Variants in KRABD1 observed in about 807,000 individuals in gnomAD.
The protein encoded by KRABD1 is KRAB domain-containing protein 1.
At chr3:42,942,030 AG>A in the KRABD1 span, 1 of 1,535,946 alleles carries the variant, frequency 6.5e-7, no homozygotes, top group Non-Finnish European at 8.7e-7. Flanking sequence ...ACCCAGCCAC[AG>A]GGAGTCCTAA....
At chr3:42,941,851 G>T in the KRABD1 span, 1 of 706,020 alleles carries the variant, frequency 1.4e-6, no homozygotes, top group South Asian at 1.6e-5. Context: ...TAGCTCACCC[G>T]GGAATTACTC....
At chr3:42,940,979 T>G in the KRABD1 span, among the ~76,000 whole-genome samples, 5 of 152,186 alleles carry the variant, frequency 3.3e-5, no homozygotes, top group African/African-American at 4.8e-5. Context: ...GGAGGTCACA[T>G]GTTTAGAAGC....
the KRABD1 span, chr3:42,942,516 TTA>T: frequency 1.5e-6 from 1 of 678,374 alleles, no homozygotes; most frequent in East Asian, 3.0e-5. Flanking sequence ...CTTACAGTTG[TTA>T]TGATTTTCCT....
the KRABD1 span, chr3:42,942,083 A>G: frequency 6.7e-7 from 1 of 1,502,704 alleles, no homozygotes; most frequent in South Asian, 1.2e-5. Flanking sequence ...TGAGTTAAGC[A>G]AGAGGGTTCT....
chr3:42,938,876 A>G, the KRABD1 span: 1 of 1,524,822 alleles, frequency 6.6e-7, no homozygotes, highest in East Asian at 2.5e-5. Flanking sequence ...CTTTACCCAG[A>G]AAGGAATAAA....
the KRABD1 span, among the ~76,000 whole-genome samples, chr3:42,939,301 C>T: frequency 4.6e-5 from 7 of 152,280 alleles, no homozygotes; most frequent in African/African-American, 1.2e-4. Context: ...TCTTGAACTT[C>T]GTATAAGTGG....
the KRABD1 span, among the ~76,000 whole-genome samples, chr3:42,939,777 G>A: frequency 6.6e-6 from 1 of 152,190 alleles, no homozygotes; most frequent in Admixed American, 6.5e-5. Flanking sequence ...CTAGTAAGCA[G>A]TGATGCTGAG....
chr3:42,939,500 C>T, the KRABD1 span, among the ~76,000 whole-genome samples: 17 of 152,204 alleles, frequency 1.1e-4, no homozygotes, highest in African/African-American at 4.1e-4. Context: ...CCATTTTGGG[C>T]TACCATGAAT....
the KRABD1 span, among the ~76,000 whole-genome samples, chr3:42,942,323 T>G: frequency 2.6e-5 from 4 of 152,242 alleles, no homozygotes; most frequent in African/African-American, 9.6e-5. Context: ...TTTTTCTAAA[T>G]ACTTTACTGG....
At chr3:42,941,290 C>T in the KRABD1 span, 1 of 1,597,434 alleles carries the variant, frequency 6.3e-7, no homozygotes, top group Non-Finnish European at 8.5e-7. Flanking sequence ...ATCATGGTGC[C>T]TGCCGAGAGG....
chr3:42,942,206 G>A, the KRABD1 span: 38 of 669,684 alleles, frequency 5.7e-5, no homozygotes, highest in Non-Finnish European at 8.4e-5. Context: ...TTTTCTGACC[G>A]GTGTGTTATT....
the KRABD1 span, chr3:42,942,459 A>G: frequency 2.2e-6 from 1 of 455,764 alleles, no homozygotes; most frequent in East Asian, 3.3e-5. Context: ...CATGAGAACT[A>G]ATATATTAAC....
At chr3:42,939,426 GT>G in the KRABD1 span, among the ~76,000 whole-genome samples, 1 of 152,186 alleles carries the variant, frequency 6.6e-6, no homozygotes, top group East Asian at 1.9e-4. Flanking sequence ...CTACTGAGTA[GT>G]TTTTCATTTT....
the KRABD1 span, chr3:42,937,805 A>G: frequency 2.6e-5 from 4 of 152,130 alleles, no homozygotes; most frequent in Non-Finnish European, 4.4e-5. Flanking sequence ...TGGATTCACT[A>G]AGAAGAGTCA....
the KRABD1 span, among the ~76,000 whole-genome samples, chr3:42,939,926 A>G: frequency 6.6e-6 from 1 of 152,136 alleles, no homozygotes; most frequent in African/African-American, 2.4e-5. Context: ...TTTGTCAGAC[A>G]TATGTGTTAT....
chr3:42,941,337 G>T, the KRABD1 span: 1 of 1,596,748 alleles, frequency 6.3e-7, no homozygotes, highest in Non-Finnish European at 8.5e-7. Context: ...GAACTATGAG[G>T]CTGTGGCCTT....
the KRABD1 span, chr3:42,937,723 G>A: frequency 6.6e-6 from 1 of 152,162 alleles, no homozygotes; most frequent in Non-Finnish European, 1.5e-5. Flanking sequence ...CTTCCAAGAT[G>A]CCTTTTCTGG....
At chr3:42,937,798 A>C in the KRABD1 span, 5 of 152,134 alleles carry the variant, frequency 3.3e-5, no homozygotes, top group East Asian at 9.6e-4. Flanking sequence ...GGCTTTCTGG[A>C]TTCACTAAGA....
chr3:42,942,761 A>C, the KRABD1 span: 2 of 394,006 alleles, frequency 5.1e-6, no homozygotes, highest in East Asian at 7.4e-5. Context: ...AATGTTTTTC[A>C]TTCATTAAAA....
Sources: gnomAD v4.1 joint callset for allele counts (sites outside exome capture counted in the v4.1 genomes callset) on GRCh38, gnomAD v4.1.1 for gene constraint, MANE v1.5 for transcripts, NCBI Gene and HGNC (gene_info 2026-07-23, HGNC 2026-07-21) for gene names.